The following LIG1 variants were observed in gnomAD, a reference collection of about 807,000 sequenced individuals.
The protein encoded by LIG1 is DNA ligase 1.
Under a neutral mutation model 115.7 loss-of-function variants are expected in LIG1, and 70 were observed. That is an observed-to-expected ratio of 0.60 (90% CI 0.50 to 0.74). LIG1 has a LOEUF of 0.74. Among genes scored for constraint, LIG1 ranks in the 30% least tolerant of loss-of-function variants. LIG1 has a pLI of 0.00. For missense variants in LIG1, 1,115 were observed against 1,225.6 expected (o/e 0.91, Z 1.35); for synonymous variants, 487 against 495.3 (o/e 0.98, Z 0.22).
At chr19:48,117,039 G>A (rs1011042169) in intron 26 of LIG1, among the ~76,000 whole-genome samples, 3 of 152,120 alleles carry the variant, frequency 2.0e-5, no homozygotes, top group African/African-American at 7.2e-5. Context: ...TCACCGTGTT[G>A]GTCAGGCTGG....
intron 23 of LIG1, 32 bp from the exon 24 acceptor site, chr19:48,121,354 G>C: frequency 6.4e-7 from 1 of 1,568,594 alleles, no homozygotes; most frequent in Non-Finnish European, 8.7e-7. Context: ...GATGAGAAGG[G>C]GGAGCGCCCA....
chr19:48,132,159 T>TCA (rs755874558), intron 18 of LIG1, among the ~76,000 whole-genome samples: 52 of 151,942 alleles, frequency 3.4e-4, no homozygotes, highest in Admixed American at 6.6e-5. Context: ...GCTGGTCTCC[T>TCA]CAGGGGTCCA....
In LIG1 at chr19:48,134,035, C is replaced by T. The variant is rs201483928; in HGVS notation, c.1555G>A (p.Val519Met). 1.2e-5 allele frequency: 18 copies of T among 1,557,600 alleles called. No individual in the cohort carries two copies. The highest frequency in any genetic ancestry group is 4.1e-5 in the African/African-American group (3 of 73,372). ...CGTTCCAGGCCGTGCTCCAGCAGCA[C>T]GGGGATAATTCGGTCCAGGTCGGGA... is the stretch of plus-strand genomic sequence containing the variant. ...EVPDLDRIIP[V>M]LLEHGLERLP... Residue 519 changes from valine (V) to methionine (M), a missense_variant, in exon 17 of 28, where the codon GTG (valine) becomes ATG (methionine). Physicochemically the swap from Val to Met is conservative, Grantham distance 21. Transcript: ENST00000263274.
At chr19:48,144,571 G>A (rs1453030202) in intron 9 of LIG1, among the ~76,000 whole-genome samples, 2 of 151,002 alleles carry the variant, frequency 1.3e-5, no homozygotes, top group Non-Finnish European at 1.5e-5. Flanking sequence ...GCATGATCTC[G>A]GCTCGCTGCA....
chr19:48,135,875 T>A, intron 15 of LIG1, 96 bp from the exon 16 acceptor site: 2 of 1,283,116 alleles, frequency 1.6e-6, no homozygotes, highest in Non-Finnish European at 2.2e-6. Context: ...GGAATGCAGA[T>A]GCCGCGGCCC....
At chr19:48,120,387 G>A in intron 24 of LIG1, 1 of 985,256 alleles carries the variant, frequency 1.0e-6, no homozygotes, top group Non-Finnish European at 1.2e-6. Flanking sequence ...TCACAACTTT[G>A]CAAAAATGTA....
chr19:48,133,484 G>A (rs3729518), intron 17 of LIG1: 35,063 of 312,514 alleles, frequency 0.11, 3,284 homozygotes, highest in African/African-American at 0.31. Context: ...CTGGGTCCCC[G>A]GGTCATCCCT....
chr19:48,123,213 T>C lies in LIG1; in HGVS notation c.2110A>G (p.Ile704Val), dbSNP rs377540560. 6 of 1,614,098 alleles carry C rather than the reference T, an allele frequency of 3.7e-6. No homozygotes were observed. The highest frequency in any genetic ancestry group is 5.1e-6 in the Non-Finnish European group (6 of 1,180,024). Residue 704 changes from isoleucine (I) to valine (V), a missense_variant, in exon 22 of 28, where the codon ATC becomes GTC. By Grantham distance (29) the Ile-to-Val change is conservative (BLOSUM62 3). Coordinates refer to ENST00000263274, the MANE Select transcript of LIG1 (RefSeq NM_000234.3). ...TCCAGGAACTCGGCGATCTGCTCGATGTCCTTGGTGTCCAGGGAGGTGGCG... is the reference window on the plus strand; with the variant it reads ...TCCAGGAACTCGGCGATCTGCTCGACGTCCTTGGTGTCCAGGGAGGTGGCG... ...VFATSLDTKD[I>V]EQIAEFLEQS...
At chr19:48,121,828 C>T (rs1205565960) in intron 23 of LIG1, among the ~76,000 whole-genome samples, 1 of 152,016 alleles carries the variant, frequency 6.6e-6, no homozygotes, top group Non-Finnish European at 1.5e-5. Flanking sequence ...TAAATAAGAA[C>T]AAATGGGAAA....
chr19:48,146,718 G>T (rs1023729804), intron 9 of LIG1, among the ~76,000 whole-genome samples: 8 of 152,182 alleles, frequency 5.3e-5, no homozygotes, highest in Admixed American at 2.0e-4. Context: ...ACTTGAAATA[G>T]AAAACAGAAC....
At chr19:48,120,228 A>G in intron 24 of LIG1, 2 of 985,516 alleles carry the variant, frequency 2.0e-6, no homozygotes, top group Non-Finnish European at 2.4e-6. Context: ...TTCAGGACAC[A>G]GCACTATGTG....
intron 5 of LIG1, chr19:48,154,294 T>C: frequency 2.7e-6 from 1 of 365,170 alleles, no homozygotes. Flanking sequence ...ACTGCTCCCC[T>C]CAGATCTTAA....
At chr19:48,161,130 C>A in intron 4 of LIG1, 1 of 581,210 alleles carries the variant, frequency 1.7e-6, no homozygotes, top group South Asian at 1.9e-5. Context: ...GAAGGTGTTA[C>A]CAGGAGCTGC....
intron 5 of LIG1, 55 bp downstream of exon 5, chr19:48,156,959 A>G (rs576173841): frequency 0.012 from 16,860 of 1,349,670 alleles, 388 homozygotes; most frequent in African/African-American, 0.059. Context: ...AAAAAAAAAA[A>G]AAAGAGAAAA....
intron 11 of LIG1, among the ~76,000 whole-genome samples, chr19:48,142,482 T>TGC (rs2034838094): frequency 7.2e-6 from 1 of 139,506 alleles, no homozygotes; most frequent in African/African-American, 2.7e-5. Flanking sequence ...CAGCCTGAAA[T>TGC]GCTCCACTCA....
At chr19:48,127,633 C>A (rs2033756840) in intron 20 of LIG1, 5 of 609,356 alleles carry the variant, frequency 8.2e-6, no homozygotes, top group Non-Finnish European at 1.2e-5. Context: ...AAAGGGGAAA[C>A]CTGTGGGGTG....
rs3731002 is a variant in LIG1, at chr19:48,128,060, G to A, written c.1822-40C>T. On this transcript the variant is annotated intron_variant, in intron 19 of 27. Coordinates refer to ENST00000263274, the MANE Select transcript of LIG1 (RefSeq NM_000234.3). The stretch of plus-strand genomic sequence containing the variant: ...GAGAGACCCAGGGCCTGAGAGAGGT[G>A]GAAGATGAGGTGGAAAGACAAACAC... 3,910 of 1,495,622 alleles carry A rather than the reference G, an allele frequency of 2.6e-3. 74 individuals carry two copies. In the African/African-American group the frequency reaches 0.046, roughly 18 times the overall value. The allele number at this position is 1,495,622 out of a possible 1,614,324, so 92.6% of individuals were successfully genotyped here.
intron 6 of LIG1, among the ~76,000 whole-genome samples, chr19:48,151,564 G>A (rs2035478772): frequency 1.3e-5 from 2 of 151,970 alleles, no homozygotes; most frequent in Admixed American, 1.3e-4. Context: ...CGAGTAGCTG[G>A]GATGACAGGC....
intron 2 of LIG1, among the ~76,000 whole-genome samples, chr19:48,165,074 C>T (rs914826087): frequency 2.6e-5 from 4 of 152,302 alleles, no homozygotes; most frequent in Middle Eastern, 6.8e-3. Context: ...GCCTGACCAA[C>T]GTGGTGAAAC....
Sources: gnomAD v4.1 joint callset for allele counts (sites outside exome capture counted in the v4.1 genomes callset) on GRCh38, gnomAD v4.1.1 for gene constraint, MANE v1.5 for transcripts, NCBI Gene and HGNC (gene_info 2026-07-23, HGNC 2026-07-21) for gene names.